The following ME3 variants were observed in gnomAD, a reference collection of about 807,000 sequenced individuals.
ME3 encodes the protein malic enzyme 3.
A neutral mutation model predicts 68.9 loss-of-function variants in ME3; 48 were observed. That is an observed-to-expected ratio of 0.70 (90% CI 0.55 to 0.89). The LOEUF (loss-of-function observed/expected upper bound fraction) is 0.89, where lower values mean the gene tolerates loss of function less well. Ranked by LOEUF, ME3 falls within the 40% of genes least tolerant of loss-of-function variation. The pLI, the probability that ME3 is intolerant of heterozygous loss-of-function variation, is 0.00. For synonymous variants in ME3, 320 were observed against 318.8 expected (o/e 1.00, Z -0.04); for missense variants, 675 against 797.4 (o/e 0.85, Z 1.85).
Position 86,480,045 on chromosome 11 carries a change from C to T in ME3, c.809+7292G>A, listed in dbSNP as rs536622907. Reference sequence around the variant, plus strand: ...TGTTGGCCAGGCTGGTCTTGAACTCCTGACCTCAAGTGATCCACCTGCCTT... The same window carrying T: ...TGTTGGCCAGGCTGGTCTTGAACTCTTGACCTCAAGTGATCCACCTGCCTT... On this transcript the variant is annotated intron_variant, in intron 7 of 14. Transcript: ENST00000543262. Among the ~76,000 whole-genome samples the T allele has an allele frequency of 3.3e-5, 5 of 152,302 alleles. No individual in the cohort carries two copies. In the East Asian group the frequency reaches 9.7e-4, roughly 29 times the overall value.
At chr11:86,592,873 G>C (rs1480767890) in intron 2 of ME3, among the ~76,000 whole-genome samples, 1 of 152,150 alleles carries the variant, frequency 6.6e-6, no homozygotes, top group East Asian at 1.9e-4. Context: ...AGTGATGGGG[G>C]AGAGCACAGA....
chr11:86,652,729 A>G (rs1333519391), intron 2 of ME3, among the ~76,000 whole-genome samples: 1 of 152,102 alleles, frequency 6.6e-6, no homozygotes, highest in Non-Finnish European at 1.5e-5. Flanking sequence ...GACAGGATCA[A>G]ATTCACACAT....
chr11:86,629,376 A>AC lies in ME3; in HGVS notation c.183+42385dup, dbSNP rs61686253. On this transcript the variant is annotated intron_variant, in intron 2 of 14. Transcript: ENST00000543262. ...CTTAAAGAAGCCCTTAACTTAAAAA[A>AC]CCCGTTCTTAAAAACAGAGAAACAA... 7.9e-5 allele frequency among the ~76,000 whole-genome samples: 12 copies of AC among 151,678 alleles called. No homozygotes were observed. In the East Asian group the frequency reaches 2.3e-3, roughly 29 times the overall value.
At chr11:86,649,662 C>T (rs1222501106) in intron 2 of ME3, among the ~76,000 whole-genome samples, 1 of 152,172 alleles carries the variant, frequency 6.6e-6, no homozygotes, top group Admixed American at 6.5e-5. Flanking sequence ...CATTCATATA[C>T]ACCAATAATA....
intron 8 of ME3, among the ~76,000 whole-genome samples, chr11:86,453,191 C>T (rs975181862): frequency 2.0e-5 from 3 of 152,042 alleles, no homozygotes; most frequent in African/African-American, 7.2e-5. Context: ...GTAGAGACAA[C>T]GTTTTGGCGT....
chr11:86,456,842 C>T (rs1380083305), intron 8 of ME3, among the ~76,000 whole-genome samples: 3 of 152,268 alleles, frequency 2.0e-5, no homozygotes, highest in Non-Finnish European at 4.4e-5. Context: ...GTGCTGTGTG[C>T]TTACCAGCAC....
chr11:86,489,997 G>T (rs1310680731), intron 6 of ME3, among the ~76,000 whole-genome samples: 1 of 152,182 alleles, frequency 6.6e-6, no homozygotes, highest in Non-Finnish European at 1.5e-5. Flanking sequence ...ATTCAAAGCT[G>T]GGCTGTTGGG....
intron 2 of ME3, among the ~76,000 whole-genome samples, chr11:86,654,962 CAGAG>C (rs1423370948): frequency 2.6e-5 from 4 of 152,282 alleles, no homozygotes; most frequent in Non-Finnish European, 5.9e-5. Flanking sequence ...AACAGACAAA[CAGAG>C]AGCCAAATCA....
intron 4 of ME3, among the ~76,000 whole-genome samples, chr11:86,524,631 C>G (rs565530583): frequency 3.3e-5 from 5 of 152,336 alleles, no homozygotes; most frequent in Admixed American, 3.3e-4. Flanking sequence ...ACCCCACCCA[C>G]TTTAATTTAC....
chr11:86,553,519 C>T (rs1211916102), intron 4 of ME3, among the ~76,000 whole-genome samples: 1 of 152,202 alleles, frequency 6.6e-6, no homozygotes, highest in Non-Finnish European at 1.5e-5. Context: ...AGGAGCAAGG[C>T]AGGTGTGGAA....
rs962503240 is a variant in ME3, at chr11:86,556,666, C to T, written c.354G>A (p.Glu118=). Residue 118 remains glutamate, a synonymous_variant, in exon 4 of 15, where the codon GAG becomes GAA. Transcript: ENST00000543262. ...AAGTCAGCACTCGGTAGAAGAGCTTCTCGTTCCGGTCTTGGAGTGTCATGA... is the reference window on the plus strand; with the variant it reads ...AAGTCAGCACTCGGTAGAAGAGCTTTTCGTTCCGGTCTTGGAGTGTCATGA... 14 of 1,614,044 alleles carry T rather than the reference C, an allele frequency of 8.7e-6. No homozygotes were observed. The Admixed American group carries it at 1.2e-4, about 13-fold the overall frequency.
At chr11:86,515,089 A>G (rs954488905) in intron 4 of ME3, among the ~76,000 whole-genome samples, 6 of 152,230 alleles carry the variant, frequency 3.9e-5, no homozygotes, top group African/African-American at 1.4e-4. Flanking sequence ...TATGGCAGGT[A>G]GAAAATCTTT....
At chr11:86,564,478 A>C (rs1229863970) in intron 2 of ME3, among the ~76,000 whole-genome samples, 1 of 146,630 alleles carries the variant, frequency 6.8e-6, no homozygotes, top group Non-Finnish European at 1.5e-5. Flanking sequence ...AAAAAAAAAC[A>C]GTGTGGGACT....
At chr11:86,651,832 A>C (rs1945455331) in intron 2 of ME3, among the ~76,000 whole-genome samples, 1 of 152,236 alleles carries the variant, frequency 6.6e-6, no homozygotes, top group African/African-American at 2.4e-5. Context: ...ATGGCAAAGA[A>C]GTTAAAAACC....
chr11:86,568,335 A>C (rs1267044869), intron 2 of ME3, among the ~76,000 whole-genome samples: 1 of 152,224 alleles, frequency 6.6e-6, no homozygotes, highest in African/African-American at 2.4e-5. Context: ...TCAAGATCTA[A>C]CAACCAATGG....
chr11:86,515,056 TAAG>T (rs1565885353), intron 4 of ME3, among the ~76,000 whole-genome samples: 1 of 152,194 alleles, frequency 6.6e-6, no homozygotes, highest in South Asian at 2.1e-4. Flanking sequence ...GTTACTGAAA[TAAG>T]AAGACGGTTG....
chr11:86,531,840 G>A (rs533432830), intron 4 of ME3, among the ~76,000 whole-genome samples: 2 of 126,104 alleles, frequency 1.6e-5, no homozygotes, highest in Non-Finnish European at 3.3e-5. Context: ...GTGGGGGGAG[G>A]GGGGAGGCAT....
chr11:86,561,078 G>A (rs1957208472), intron 2 of ME3, among the ~76,000 whole-genome samples: 1 of 151,986 alleles, frequency 6.6e-6, no homozygotes, highest in South Asian at 2.1e-4. Flanking sequence ...CTTGATCAGT[G>A]GCCAAAAGTC....
intron 4 of ME3, among the ~76,000 whole-genome samples, chr11:86,544,585 C>A (rs1319866628): frequency 6.6e-6 from 1 of 152,106 alleles, no homozygotes; most frequent in African/African-American, 2.4e-5. Context: ...AACACATACA[C>A]CCTCCTCCCA....
Sources: gnomAD v4.1 joint callset for allele counts (sites outside exome capture counted in the v4.1 genomes callset) on GRCh38, gnomAD v4.1.1 for gene constraint, MANE v1.5 for transcripts, NCBI Gene and HGNC (gene_info 2026-07-23, HGNC 2026-07-21) for gene names.